PDE11A: variants seen among roughly 807,000 people sequenced by gnomAD.
PDE11A encodes dual 3',5'-cyclic-AMP and -GMP phosphodiesterase 11A.
PDE11A carries 100 observed loss-of-function variants against 100.5 expected under a neutral mutation model. The observed-to-expected ratio is 1.00, with a 90% confidence interval of 0.85 to 1.18. The LOEUF is 1.18. Ranked by LOEUF, PDE11A falls within the 50% of genes most tolerant of loss-of-function variation. The pLI, the probability that PDE11A is intolerant of heterozygous loss-of-function variation, is 0.00. For missense variants in PDE11A, 1,141 were observed against 1,152.6 expected (o/e 0.99, Z 0.15); for synonymous variants, 381 against 420.8 (o/e 0.91, Z 1.16).
chr2:177,733,697 G>A (rs2081727610), intron 10 of PDE11A, among the ~76,000 whole-genome samples: 1 of 152,172 alleles, frequency 6.6e-6, no homozygotes, highest in African/African-American at 2.4e-5. Context: ...GGAGCCTTAC[G>A]ATTCTGGGAT....
intron 2 of PDE11A, chr2:177,998,752 G>A: frequency 1.2e-6 from 1 of 832,316 alleles, no homozygotes. Flanking sequence ...TTGCCGTAAA[G>A]CTCCTCTACC....
chr2:177,911,023 A>T (rs1187105896), intron 2 of PDE11A, among the ~76,000 whole-genome samples: 1 of 152,192 alleles, frequency 6.6e-6, no homozygotes, highest in African/African-American at 2.4e-5. Flanking sequence ...AACAGGTGAA[A>T]AAAAGGTTTT....
In PDE11A at chr2:177,858,210, C is replaced by T. The variant is rs547508653; in HGVS notation, c.1367+17649G>A. 7.2e-3 allele frequency among the ~76,000 whole-genome samples: 1,088 copies of T among 152,048 alleles called. 13 individuals are homozygous for T. The highest frequency in any genetic ancestry group is 0.024 in the African/African-American group (1,012 of 41,468). On this transcript the variant is annotated intron_variant, in intron 5 of 19. Transcript: ENST00000286063. Reference sequence around the variant, plus strand: ...GGGCAAGGACTTCATGTCTAAAACACCAAAAGCAATGGCAACAGAAGCCAA... The same window carrying T: ...GGGCAAGGACTTCATGTCTAAAACATCAAAAGCAATGGCAACAGAAGCCAA...
At chr2:177,666,203 T>C (rs2080578502) in intron 18 of PDE11A, among the ~76,000 whole-genome samples, 1 of 152,246 alleles carries the variant, frequency 6.6e-6, no homozygotes, top group Non-Finnish European at 1.5e-5. Context: ...CTTGGCCTCT[T>C]TCACTGTTTT....
chr2:177,893,492 C>T (rs1344295968), intron 4 of PDE11A, among the ~76,000 whole-genome samples: 2 of 152,160 alleles, frequency 1.3e-5, no homozygotes, highest in East Asian at 3.8e-4. Flanking sequence ...TTAGCTGTTC[C>T]TGTATTATGA....
chr2:177,994,584 T>C (rs994432994), intron 2 of PDE11A, among the ~76,000 whole-genome samples: 6 of 152,240 alleles, frequency 3.9e-5, no homozygotes, highest in African/African-American at 1.2e-4. Context: ...CTAGTGAAGA[T>C]GTAATTTCAA....
intron 19 of PDE11A, among the ~76,000 whole-genome samples, chr2:177,648,962 T>TA (rs1168307338): frequency 3.3e-5 from 5 of 152,016 alleles, no homozygotes; most frequent in African/African-American, 9.7e-5. Flanking sequence ...GGCAAAAATA[T>TA]AAAGCATTTA....
Position 178,071,769 on chromosome 2 carries a change from G to A in PDE11A, c.669C>T (p.Tyr223=). ...TAAGGCAGACAAAGATGAGAATCTT[G>A]TAGCTCAGGCTGGTGAGGTCAAGGT... ...SNDLDLTSLS[Y]KILIFVCLMV... is the part of the protein sequence containing the mutation. Residue 223 remains tyrosine (Y), a synonymous_variant, in exon 1 of 20, where the codon TAC becomes TAT. Coordinates refer to ENST00000286063, the MANE Select transcript of PDE11A (RefSeq NM_016953.4). 1.2e-6 allele frequency: 2 copies of A among 1,613,896 alleles called. No individual in the cohort carries two copies. The highest frequency in any genetic ancestry group is 8.5e-7 in the Non-Finnish European group (1 of 1,179,750).
intron 10 of PDE11A, among the ~76,000 whole-genome samples, chr2:177,748,219 A>G (rs1158159002): frequency 1.3e-5 from 2 of 152,250 alleles, no homozygotes; most frequent in Non-Finnish European, 2.9e-5. Flanking sequence ...TATTTAAGAC[A>G]GAATACTTTC....
In PDE11A at chr2:177,728,129, A is replaced by G; in HGVS notation, c.1832T>C (p.Ile611Thr). Residue 611 changes from isoleucine (I) to threonine (T), a missense_variant, in exon 11 of 20, where the codon ATT (isoleucine) becomes ACT (threonine). Transcript: ENST00000286063. The part of the protein sequence containing the change: ...PLVSELAIDD[I>T]HFDDFSLDVD... ...GTCGAGAGAAAAGTCATCAAAATGA[A>G]TGTCATCGATGGCAAGTTCTGACAC... is the stretch of plus-strand genomic sequence containing the variant. 6.2e-7 allele frequency: 1 copy of G among 1,612,872 alleles called. No homozygotes were observed. Among genetic ancestry groups the G allele is most frequent in the Non-Finnish European group, 8.5e-7 (1 of 1,179,062 alleles).
At chr2:178,028,943 AATTG>A (rs1207007181) in intron 1 of PDE11A, among the ~76,000 whole-genome samples, 1 of 152,180 alleles carries the variant, frequency 6.6e-6, no homozygotes, top group African/African-American at 2.4e-5. Flanking sequence ...AAGCAGTAGA[AATTG>A]CAACAAGCCC....
At position 177,700,584 on chromosome 2, in the gene PDE11A, C is replaced by T. The variant is rs149671499; in HGVS notation, c.2244+537G>A. Among the ~76,000 whole-genome samples, 495 of 152,282 alleles carry T rather than the reference C, an allele frequency of 3.3e-3. 4 individuals are homozygous for T. In the East Asian group the frequency reaches 0.043, roughly 13 times the overall value. ...CATTGCCACATGAAGCAAAATCAGG[C>T]ATATGGCATTAGCTCTGGGTCTTAA... On this transcript the variant is annotated intron_variant, in intron 14 of 19. Transcript: ENST00000286063.
intron 2 of PDE11A, among the ~76,000 whole-genome samples, chr2:177,945,855 C>G (rs889587219): frequency 8.7e-6 from 1 of 115,500 alleles, no homozygotes; most frequent in African/African-American, 2.7e-5. Flanking sequence ...CCTGGCCAGC[C>G]GTGCCGTCCG....
chr2:177,803,518 A>C (rs533251703), intron 9 of PDE11A, among the ~76,000 whole-genome samples: 2 of 152,206 alleles, frequency 1.3e-5, no homozygotes, highest in East Asian at 3.9e-4. Flanking sequence ...ATTACAGACC[A>C]ATATCCCTGA....
At chr2:178,015,056 T>G (rs1357510029) in intron 1 of PDE11A, among the ~76,000 whole-genome samples, 1 of 152,210 alleles carries the variant, frequency 6.6e-6, no homozygotes, top group African/African-American at 2.4e-5. Flanking sequence ...CAAGGGTCAT[T>G]AAGTATGCTA....
chr2:178,011,058 C>T (rs949577100), intron 2 of PDE11A, among the ~76,000 whole-genome samples: 1 of 152,098 alleles, frequency 6.6e-6, no homozygotes, highest in African/African-American at 2.4e-5. Context: ...ATTTGGAACA[C>T]TCAAAGGGGA....
chr2:177,712,827 G>C (rs1286196327), intron 12 of PDE11A, among the ~76,000 whole-genome samples: 1 of 152,124 alleles, frequency 6.6e-6, no homozygotes, highest in Non-Finnish European at 1.5e-5. Context: ...CTTTATCAGA[G>C]AGTGGGAGGA....
intron 9 of PDE11A, among the ~76,000 whole-genome samples, chr2:177,769,885 C>CAAAAAA (rs10572990): frequency 4.2e-5 from 3 of 70,866 alleles, no homozygotes; most frequent in African/African-American, 1.0e-4. Context: ...AAGACCCTAT[C>CAAAAAA]AAAAAAAAAA....
At chr2:177,785,902 G>T (rs1463969034) in intron 9 of PDE11A, among the ~76,000 whole-genome samples, 1 of 152,230 alleles carries the variant, frequency 6.6e-6, no homozygotes, top group Non-Finnish European at 1.5e-5. Context: ...ACTGGGTGGA[G>T]CCCACCACAG....
Sources: gnomAD v4.1 joint callset for allele counts (sites outside exome capture counted in the v4.1 genomes callset) on GRCh38, gnomAD v4.1.1 for gene constraint, MANE v1.5 for transcripts, NCBI Gene and HGNC (gene_info 2026-07-23, HGNC 2026-07-21) for gene names.